The following SLC23A2 variants were observed in gnomAD, a reference collection of about 807,000 sequenced individuals.
The protein encoded by SLC23A2 is Na(+)/L-ascorbic acid transporter 2.
In SLC23A2, 36 loss-of-function variants were observed where a neutral mutation model predicts 73.3. The ratio of observed to expected loss-of-function variants is 0.49; its 90% CI spans 0.38 to 0.65. The LOEUF (loss-of-function observed/expected upper bound fraction) is 0.65, where lower values mean the gene tolerates loss of function less well. SLC23A2 is among the 30% of genes least tolerant of loss of function. SLC23A2 has a pLI of 0.00. For synonymous variants in SLC23A2, 343 were observed against 327.3 expected (o/e 1.05, Z -0.52); for missense variants, 507 against 841.6 (o/e 0.60, Z 4.92).
At chr20:4,909,371 C>G (rs911677223) in intron 4 of SLC23A2, among the ~76,000 whole-genome samples, 1 of 152,136 alleles carries the variant, frequency 6.6e-6, no homozygotes, top group Non-Finnish European at 1.5e-5. Context: ...TACTCTACAT[C>G]AGGTTGCCAG....
intron 1 of SLC23A2, among the ~76,000 whole-genome samples, chr20:4,981,574 G>A (rs989928226): frequency 4.6e-5 from 7 of 152,100 alleles, no homozygotes; most frequent in Non-Finnish European, 1.0e-4. Context: ...CGAGGTTGAG[G>A]ACCACTGACA....
chr20:4,898,004 G>A (rs937308917), intron 6 of SLC23A2, among the ~76,000 whole-genome samples: 1 of 152,188 alleles, frequency 6.6e-6, no homozygotes, highest in Non-Finnish European at 1.5e-5. Flanking sequence ...TCCTGAGTGA[G>A]CCAAAAAAAG....
At chr20:4,923,157 AG>A (rs1471218197) in intron 3 of SLC23A2, among the ~76,000 whole-genome samples, 1 of 151,352 alleles carries the variant, frequency 6.6e-6, no homozygotes, top group Non-Finnish European at 1.5e-5. Context: ...CTGTAATCCC[AG>A]CACTTTGGGA....
At chr20:4,910,367 ACT>A (rs1030156477) in intron 4 of SLC23A2, among the ~76,000 whole-genome samples, 63 of 137,160 alleles carry the variant, frequency 4.6e-4, no homozygotes, top group African/African-American at 1.6e-3. Context: ...ACAGAGTGAG[ACT>A]CTGTCTCAAG....
At chr20:4,913,613 TG>T (rs1408697540) in intron 3 of SLC23A2, among the ~76,000 whole-genome samples, 1 of 151,982 alleles carries the variant, frequency 6.6e-6, no homozygotes. Context: ...TAGGTTTTGT[TG>T]TTGTTGTTGT....
chr20:4,987,283 G>C (rs184740888), intron 1 of SLC23A2, among the ~76,000 whole-genome samples: 1 of 152,326 alleles, frequency 6.6e-6, no homozygotes, highest in East Asian at 1.9e-4. Context: ...CTCTGAGGGA[G>C]ACAACATTTT....
At chr20:4,944,708 G>C (rs776468393) in intron 2 of SLC23A2, among the ~76,000 whole-genome samples, 2 of 152,116 alleles carry the variant, frequency 1.3e-5, no homozygotes, top group Non-Finnish European at 2.9e-5. Context: ...CTGGGATAAG[G>C]ACACTCAAAA....
chr20:4,983,690 C>T (rs1423570235), intron 1 of SLC23A2, among the ~76,000 whole-genome samples: 2 of 147,872 alleles, frequency 1.4e-5, no homozygotes, highest in Non-Finnish European at 3.0e-5. Context: ...CCAGGTTCGG[C>T]TCACACCTGT....
chr20:4,885,064 G>A (rs757313735), intron 7 of SLC23A2, among the ~76,000 whole-genome samples: 5 of 152,334 alleles, frequency 3.3e-5, no homozygotes, highest in Middle Eastern at 3.4e-3. Flanking sequence ...TAACTGAAGT[G>A]GTGATACACG....
chr20:4,894,620 G>T (rs1600107739), intron 6 of SLC23A2, among the ~76,000 whole-genome samples: 1 of 152,184 alleles, frequency 6.6e-6, no homozygotes, highest in Non-Finnish European at 1.5e-5. Context: ...CTGCTGACCT[G>T]GGTAGTTCTA....
At chr20:4,903,142 C>T (rs1931814989) in intron 4 of SLC23A2, among the ~76,000 whole-genome samples, 1 of 152,084 alleles carries the variant, frequency 6.6e-6, no homozygotes, top group Non-Finnish European at 1.5e-5. Context: ...AAAAACAAAA[C>T]ATTAAAAATG....
chr20:5,000,677 C>A lies in SLC23A2; in HGVS notation c.-282+729G>T, dbSNP rs1357185106. On this transcript the variant is annotated intron_variant, in intron 1 of 16. Transcript: ENST00000338244. ...ACGCTTAAACCCCCAGCCTGCAGGC[C>A]GACATCCTATCAGCCACCCATCCAA... 2.6e-5 allele frequency among the ~76,000 whole-genome samples: 4 copies of A among 152,108 alleles called. No homozygotes were observed. In the East Asian group the frequency reaches 7.7e-4, roughly 29 times the overall value.
Position 4,902,463 on chromosome 20 carries a change from C to G in SLC23A2, c.303G>C (p.Leu101=), listed in dbSNP as rs1260409656. The change falls in exon 5 of 17, where the codon CTG becomes CTC. Residue 101 remains leucine (L), a synonymous_variant. Transcript: ENST00000338244. This position sits in a 1 kb window ranked among gnomAD's most constrained non-coding sequence, Gnocchi z 4.0. ...YTIEDVPPWY[L]CIFLGLQHYL... is the part of the protein sequence containing the mutation. ...TTACCTGTAGCCCCAGAAATATACACAGGTACCAGGGAGGAACATCTTCTA... is the reference window on the plus strand; with the variant it reads ...TTACCTGTAGCCCCAGAAATATACAGAGGTACCAGGGAGGAACATCTTCTA... The G allele has an allele frequency of 4.4e-6, 7 of 1,601,830 alleles. No homozygotes were observed. The highest frequency in any genetic ancestry group is 6.0e-6 in the Non-Finnish European group (7 of 1,171,034).
In SLC23A2 at chr20:4,869,909, T is replaced by C. The variant is rs759316699; in HGVS notation, c.1247A>G (p.Asn416Ser). ...CAPPPPIHAI[N>S]RGIFVEGLSC... ...ACTTGTCTTCTCAGGAACGTACCTGTTTATTGCGTGGATGGGGGGGGGTGG... is the reference window on the plus strand; with the variant it reads ...ACTTGTCTTCTCAGGAACGTACCTGCTTATTGCGTGGATGGGGGGGGGTGG... Residue 416 changes from asparagine to serine, a missense_variant, in exon 12 of 17, where the codon AAC becomes AGC. Physicochemically the swap from Asn to Ser is conservative, Grantham distance 46 (BLOSUM62 1). Transcript: ENST00000338244. The C allele has an allele frequency of 3.0e-5, 48 of 1,610,706 alleles. No individual in the cohort carries two copies. The highest frequency in any genetic ancestry group is 4.1e-5 in the Non-Finnish European group (48 of 1,178,170).
chr20:4,867,018 C>A (rs913853332), intron 13 of SLC23A2, among the ~76,000 whole-genome samples: 1 of 149,334 alleles, frequency 6.7e-6, no homozygotes, highest in South Asian at 2.1e-4. Context: ...TGCCCAGCCC[C>A]CCATGGTCTA....
intron 3 of SLC23A2, among the ~76,000 whole-genome samples, chr20:4,924,805 T>G (rs1932615858): frequency 6.6e-6 from 1 of 152,220 alleles, no homozygotes; most frequent in Admixed American, 6.5e-5. Flanking sequence ...ACCTCTACCT[T>G]ATTTTTTTCC....
At chr20:4,906,310 G>T (rs1307186738) in intron 4 of SLC23A2, among the ~76,000 whole-genome samples, 1 of 152,154 alleles carries the variant, frequency 6.6e-6, no homozygotes, top group Non-Finnish European at 1.5e-5. Flanking sequence ...CTGCACTCCA[G>T]CCTAGGCAAC....
intron 2 of SLC23A2, among the ~76,000 whole-genome samples, chr20:4,968,505 G>T (rs1045789099): frequency 1.3e-5 from 2 of 152,156 alleles, no homozygotes; most frequent in Non-Finnish European, 2.9e-5. Flanking sequence ...TCAAAATGGG[G>T]ATCAAGAAGC....
intron 11 of SLC23A2, among the ~76,000 whole-genome samples, chr20:4,870,612 TG>T (rs1291712944): frequency 2.6e-5 from 4 of 151,972 alleles, no homozygotes; most frequent in African/African-American, 9.7e-5. Flanking sequence ...AAGACATTGT[TG>T]GGCTGGAAGA....
Sources: allele counts gnomAD v4.1 joint callset (sites outside exome capture counted in the v4.1 genomes callset), GRCh38; gene constraint gnomAD v4.1.1; non-coding constraint Gnocchi (gnomAD v3.1); transcripts MANE v1.5; gene names NCBI Gene and HGNC (gene_info 2026-07-23, HGNC 2026-07-21).